Variants in SBF1 observed in about 807,000 individuals in gnomAD.
The protein encoded by SBF1 is SET binding factor 1, also known as myotubularin-related protein 5.
Under a neutral mutation model 215.8 loss-of-function variants are expected in SBF1, and 65 were observed. The ratio of observed to expected loss-of-function variants is 0.30; its 90% CI spans 0.25 to 0.37. The LOEUF (loss-of-function observed/expected upper bound fraction) is 0.37, where lower values mean the gene tolerates loss of function less well. SBF1 is among the 10% of genes least tolerant of loss of function. The pLI is 1.00. For missense variants in SBF1, 2,634 were observed against 2,667.8 expected (o/e 0.99, Z 0.28); for synonymous variants, 1,410 against 1,122.8 (o/e 1.26, Z -5.11).
chr22:50,451,525 G>A (rs1484293619), intron 36 of SBF1, among the ~76,000 whole-genome samples: 2 of 152,106 alleles, frequency 1.3e-5, no homozygotes, highest in Non-Finnish European at 2.9e-5. Flanking sequence ...AGAAGGAAAG[G>A]GAGAGATCAT....
At position 50,460,157 on chromosome 22, in the gene SBF1, A is replaced by T. The variant is rs1037153234; in HGVS notation, c.3286T>A (p.Ser1096Thr). ...PEDQEDEISV[S>T]EELEPSTLTP... Reference sequence around the variant, plus strand: ...AGCGTGCTGGGCTCCAGCTCCTCCGACACTGCACAGGCCGGGCACACGTGG... The same window carrying T: ...AGCGTGCTGGGCTCCAGCTCCTCCGTCACTGCACAGGCCGGGCACACGTGG... The change falls in exon 26 of 41, where the codon TCG becomes ACG. Residue 1096 changes from serine (S) to threonine (T), a missense_variant and splice_region_variant. Physicochemically the swap from Ser to Thr is moderately conservative, Grantham distance 58. Coordinates refer to ENST00000380817, the MANE Select transcript of SBF1 (RefSeq NM_002972.4). 1.2e-6 allele frequency: 2 copies of T among 1,611,144 alleles called. No individual in the cohort carries two copies. The highest frequency in any genetic ancestry group is 1.7e-6 in the Non-Finnish European group (2 of 1,179,930).
chr22:50,468,016 G>C, intron 2 of SBF1, 93 bp from the exon 3 acceptor site: 1 of 1,478,640 alleles, frequency 6.8e-7, no homozygotes, highest in Non-Finnish European at 9.2e-7. Flanking sequence ...AGGCCTGGAG[G>C]CTCCAACACA....
intron 30 of SBF1, 34 bp downstream of exon 30, chr22:50,456,458 C>G (rs2067252157): frequency 1.4e-6 from 2 of 1,441,364 alleles, no homozygotes; most frequent in Non-Finnish European, 1.9e-6. Context: ...GCCGAGCCCC[C>G]ACCCTCACCC....
chr22:50,457,268 A>G (rs2067292802), intron 28 of SBF1, 157 bp from the exon 29 acceptor site: 1 of 544,778 alleles, frequency 1.8e-6, no homozygotes, highest in Non-Finnish European at 3.0e-6. Flanking sequence ...AAGTGGGAAG[A>G]GCCATCCTGG....
chr22:50,464,879 C>A lies in SBF1; in HGVS notation c.1371G>T (p.Glu457Asp), dbSNP rs528493695. 3.7e-6 allele frequency: 6 copies of A among 1,613,726 alleles called. No homozygotes were observed. In the South Asian group the frequency reaches 5.5e-5, roughly 15 times the overall value. ...AHEVARMRADENHPQRVLRHV... is the reference protein window; with the variant it reads ...AHEVARMRADDNHPQRVLRHV... ...GACGCAGGACACGCTGGGGGTGGTTCTCATCCGCCCGCATCCTTGCCACCT... is the reference window on the plus strand; with the variant it reads ...GACGCAGGACACGCTGGGGGTGGTTATCATCCGCCCGCATCCTTGCCACCT... The change falls in exon 13 of 41, where the codon GAG (glutamate) becomes GAT (aspartate). Residue 457 changes from glutamate to aspartate, a missense_variant. By Grantham distance (45) the Glu-to-Asp change is conservative. Transcript: ENST00000380817.
chr22:50,466,281 A>G, intron 7 of SBF1, 23 bp from the exon 8 acceptor site: 1 of 1,613,022 alleles, frequency 6.2e-7, no homozygotes, highest in Non-Finnish European at 8.5e-7. Flanking sequence ...CAGAGGATGC[A>G]GTGAGCCAGG....
intron 2 of SBF1, 47 bp downstream of exon 2, chr22:50,468,329 C>T: frequency 6.4e-7 from 1 of 1,566,918 alleles, no homozygotes; most frequent in South Asian, 1.1e-5. Context: ...CTGTGCCCAC[C>T]TGCCCTCCCC....
chr22:50,456,069 A>T, intron 31 of SBF1, 147 bp downstream of exon 31: 1 of 861,968 alleles, frequency 1.2e-6, no homozygotes, highest in Non-Finnish European at 1.7e-6. Context: ...CCTTCTAGGC[A>T]CCAGAGCCTG....
In SBF1 at chr22:50,455,375, A is replaced by G. The variant is rs2148570794; in HGVS notation, c.4403T>C (p.Phe1468Ser). The stretch of plus-strand genomic sequence containing the variant: ...GCGAAAGCCCTCCAGCGTGCGGTAG[A>G]AGGGGTCTGAGAGCAGCTGCACCAA... ...VSLVQLLSDP[F>S]YRTLEGFRLL... Residue 1468 changes from phenylalanine to serine, a missense_variant, in exon 33 of 41, where the codon TTC becomes TCC. Coordinates refer to ENST00000380817, the MANE Select transcript of SBF1 (RefSeq NM_002972.4). 6.2e-7 allele frequency: 1 copy of G among 1,613,176 alleles called. No homozygotes were observed. The highest frequency in any genetic ancestry group is 8.5e-7 in the Non-Finnish European group (1 of 1,179,782).
At position 50,454,960 on chromosome 22, in the gene SBF1, A is replaced by ACTG. The variant is rs1243762235; in HGVS notation, c.4682-19_4682-17dup. ...TACAGCAGCCCTGCACAGAAGCAGC[A>ACTG]CTGAGCCTGGGCCCCTCCTGACCCG... is the stretch of plus-strand genomic sequence containing the variant. On this transcript the variant is annotated splice_polypyrimidine_tract_variant and intron_variant, in intron 34 of 40. Coordinates refer to ENST00000380817, the MANE Select transcript of SBF1 (RefSeq NM_002972.4). The ACTG allele has an allele frequency of 8.1e-6, 13 of 1,613,792 alleles. No individual in the cohort carries two copies. The highest frequency in any genetic ancestry group is 1.1e-5 in the Non-Finnish European group (13 of 1,180,012).
At chr22:50,468,016 G>A in intron 2 of SBF1, 93 bp from the exon 3 acceptor site, 1 of 1,478,640 alleles carries the variant, frequency 6.8e-7, no homozygotes, top group South Asian at 1.2e-5. Context: ...AGGCCTGGAG[G>A]CTCCAACACA....
rs1254941920 is a variant in SBF1, at chr22:50,460,063, C to G, written c.3380G>C (p.Cys1127Ser). ...TMSSLVERAC[C>S]RDYQRLGLGT... The stretch of plus-strand genomic sequence containing the variant: ...CAGACCGAGGCGCTGGTAGTCGCGA[C>G]AGCAAGCCCTTTCCACCAGGCTGCT... The change falls in exon 26 of 41, where the codon TGT becomes TCT. Residue 1127 changes from cysteine (C) to serine (S), a missense_variant. Physicochemically the swap from Cys to Ser is moderately radical, Grantham distance 112. Transcript: ENST00000380817. 8 of 1,614,006 alleles carry G rather than the reference C, an allele frequency of 5.0e-6. No homozygotes were observed. In the East Asian group the frequency reaches 1.6e-4, roughly 31 times the overall value.
chr22:50,471,799 C>T (rs950249051), intron 1 of SBF1, among the ~76,000 whole-genome samples: 3 of 152,228 alleles, frequency 2.0e-5, no homozygotes, highest in African/African-American at 7.2e-5. Flanking sequence ...AGCCCCAACC[C>T]GCTCCAGAGG....
Position 50,461,406 on chromosome 22 carries a change from C to T in SBF1, c.2839+117G>A, listed in dbSNP as rs558184907. 5 of 1,495,308 alleles carry T rather than the reference C, an allele frequency of 3.3e-6. No individual in the cohort carries two copies. In the East Asian group the frequency reaches 1.1e-4, roughly 34 times the overall value. 92.6% of individuals were successfully genotyped at this position (1,495,308 alleles called of 1,614,324 possible). On this transcript the variant is annotated intron_variant, in intron 22 of 40. Transcript: ENST00000380817. Reference sequence around the variant, plus strand: ...GGTGGGGAAGGAGCAGACAAAGGCCCGTTTCCCACGGGCACCCAGAACCCC... The same window carrying T: ...GGTGGGGAAGGAGCAGACAAAGGCCTGTTTCCCACGGGCACCCAGAACCCC...
chr22:50,467,193 T>C (rs1356315502), intron 5 of SBF1, 145 bp downstream of exon 5: 17 of 670,088 alleles, frequency 2.5e-5, no homozygotes, highest in East Asian at 2.4e-4. Context: ...GCCAGGACTG[T>C]TGGGGGCAAT....
Position 50,454,865 on chromosome 22 carries a change from G to A in SBF1, c.4761C>T (p.Ser1587=). ...AATTGTGGAACACAGGCGTCCTCTT[G>A]CTCAGCCGGTCCACATACTCCCACA... ...RSVWEYVDRL[S]KRTPVFHNYM... Residue 1587 remains serine (S), a synonymous_variant, in exon 35 of 41, where the codon AGC becomes AGT. Transcript: ENST00000380817. 1 of 1,614,084 alleles carries A rather than the reference G, an allele frequency of 6.2e-7. No individual in the cohort carries two copies.
intron 15 of SBF1, among the ~76,000 whole-genome samples, chr22:50,463,897 G>A (rs922376712): frequency 2.0e-5 from 3 of 152,214 alleles, no homozygotes; most frequent in Admixed American, 1.3e-4. Context: ...GACCCCAGAG[G>A]CGTTAAGTGA....
intron 36 of SBF1, among the ~76,000 whole-genome samples, chr22:50,452,076 G>A (rs989765186): frequency 1.7e-4 from 25 of 151,200 alleles, no homozygotes; most frequent in Non-Finnish European, 2.5e-4. Context: ...GATGACAGGC[G>A]TGAGCCGCTG....
At chr22:50,474,105 C>G (rs1435036778) in intron 1 of SBF1, among the ~76,000 whole-genome samples, 1 of 152,206 alleles carries the variant, frequency 6.6e-6, no homozygotes, top group Non-Finnish European at 1.5e-5. Flanking sequence ...ACACACAGAC[C>G]TCCTGGGCAT....
Sources: gnomAD v4.1 joint callset for allele counts (sites outside exome capture counted in the v4.1 genomes callset) on GRCh38, gnomAD v4.1.1 for gene constraint, MANE v1.5 for transcripts, NCBI Gene and HGNC (gene_info 2026-07-23, HGNC 2026-07-21) for gene names.